The following PTPRR variants were observed in gnomAD, a reference collection of about 807,000 sequenced individuals.
The protein encoded by PTPRR is receptor-type tyrosine-protein phosphatase R.
A neutral mutation model predicts 77.2 loss-of-function variants in PTPRR; 38 were observed. That is an observed-to-expected ratio of 0.49 (90% confidence interval 0.38 to 0.65). The LOEUF is 0.65. Among genes scored for constraint, PTPRR ranks in the 30% least tolerant of loss-of-function variants. The probability of loss-of-function intolerance (pLI) is 0.00; values close to 1 mark genes in which losing one functional copy is unlikely to be tolerated. For synonymous variants in PTPRR, 299 were observed against 283.1 expected (o/e 1.06, Z -0.57); for missense variants, 744 against 799.2 (o/e 0.93, Z 0.83).
chr12:70,717,634 A>G (rs1889082390), intron 6 of PTPRR, among the ~76,000 whole-genome samples: 1 of 152,222 alleles, frequency 6.6e-6, no homozygotes, highest in African/African-American at 2.4e-5. Flanking sequence ...GACAAAGTCA[A>G]TACAAGACAC....
intron 6 of PTPRR, among the ~76,000 whole-genome samples, chr12:70,723,370 AT>A (rs1889328112): frequency 6.6e-6 from 1 of 151,996 alleles, no homozygotes; most frequent in Admixed American, 6.6e-5. Flanking sequence ...GCTATTTTGT[AT>A]GTAAACTTAA....
chr12:70,850,432 T>C (rs551455236), intron 2 of PTPRR, among the ~76,000 whole-genome samples: 3 of 152,126 alleles, frequency 2.0e-5, no homozygotes, highest in Non-Finnish European at 4.4e-5. Flanking sequence ...TAAAGCAAGG[T>C]TGCTTGAAAT....
At chr12:70,738,646 A>G (rs886477100) in intron 6 of PTPRR, among the ~76,000 whole-genome samples, 1 of 152,252 alleles carries the variant, frequency 6.6e-6, no homozygotes, top group Admixed American at 6.5e-5. Flanking sequence ...TAGAAAATGT[A>G]CTTTCTAGAG....
chr12:70,911,225 C>T (rs949568430), intron 1 of PTPRR, among the ~76,000 whole-genome samples: 1 of 152,188 alleles, frequency 6.6e-6, no homozygotes, highest in African/African-American at 2.4e-5. Context: ...CATGGACCTA[C>T]AGCCCAATGG....
intron 2 of PTPRR, among the ~76,000 whole-genome samples, chr12:70,836,960 C>G (rs11178449): frequency 1.3e-5 from 2 of 151,896 alleles, no homozygotes; most frequent in Non-Finnish European, 2.9e-5. Flanking sequence ...TATTTTATCA[C>G]TAAACTATAA....
At chr12:70,834,465 A>G (rs1424540696) in intron 2 of PTPRR, among the ~76,000 whole-genome samples, 1 of 152,186 alleles carries the variant, frequency 6.6e-6, no homozygotes, top group Non-Finnish European at 1.5e-5. Flanking sequence ...AAAATGCAAA[A>G]TTGGCTCACT....
intron 10 of PTPRR, among the ~76,000 whole-genome samples, chr12:70,682,834 T>G (rs571446940): frequency 6.6e-6 from 1 of 152,316 alleles, no homozygotes; most frequent in African/African-American, 2.4e-5. Context: ...ACCTCAGGCT[T>G]TAATATCAGA....
At chr12:70,764,056 T>C (rs1890755944) in intron 3 of PTPRR, among the ~76,000 whole-genome samples, 1 of 151,264 alleles carries the variant, frequency 6.6e-6, no homozygotes, top group Non-Finnish European at 1.5e-5. Context: ...CCCATTCAAG[T>C]TTTCTCTTGG....
At chr12:70,684,928 A>ATTGGTG in intron 8 of PTPRR, 145 bp from the exon 9 acceptor site, 3 of 539,630 alleles carry the variant, frequency 5.6e-6, no homozygotes, top group Non-Finnish European at 9.7e-6. Context: ...CCATTGCTTG[A>ATTGGTG]TCCATATGTT....
At chr12:70,866,379 T>C in intron 2 of PTPRR, among the ~76,000 whole-genome samples, 1 of 151,660 alleles carries the variant, frequency 6.6e-6, no homozygotes, top group Non-Finnish European at 1.5e-5. Context: ...AAATACAAAC[T>C]ACCATCAGAG....
At chr12:70,894,497 A>G (rs1476537214) in intron 1 of PTPRR, among the ~76,000 whole-genome samples, 2 of 151,926 alleles carry the variant, frequency 1.3e-5, no homozygotes, top group African/African-American at 4.8e-5. Flanking sequence ...GAATCACTTC[A>G]TTGTAGTGAT....
At chr12:70,665,728 C>T (rs1886967763) in intron 10 of PTPRR, among the ~76,000 whole-genome samples, 1 of 151,702 alleles carries the variant, frequency 6.6e-6, no homozygotes, top group African/African-American at 2.4e-5. Context: ...GATTCTCCTT[C>T]TGGCCCCCAC....
chr12:70,888,841 G>A (rs1258913093), intron 2 of PTPRR, among the ~76,000 whole-genome samples: 1 of 152,066 alleles, frequency 6.6e-6, no homozygotes, highest in Non-Finnish European at 1.5e-5. Flanking sequence ...AGTAATCACT[G>A]TCAAGAAGTA....
intron 5 of PTPRR, among the ~76,000 whole-genome samples, chr12:70,753,901 G>T (rs906849424): frequency 6.6e-6 from 1 of 152,232 alleles, no homozygotes; most frequent in Non-Finnish European, 1.5e-5. Context: ...GACTTTGAGG[G>T]CTTCAGTGAC....
At chr12:70,750,919 T>C (rs1174592453) in intron 5 of PTPRR, among the ~76,000 whole-genome samples, 1 of 151,460 alleles carries the variant, frequency 6.6e-6, no homozygotes, top group South Asian at 2.1e-4. Context: ...TTTTTTTTTT[T>C]TGTAAAGACA....
intron 9 of PTPRR, among the ~76,000 whole-genome samples, 179 bp from the exon 10 acceptor site, chr12:70,684,443 C>A (rs192024290): frequency 6.6e-6 from 1 of 152,280 alleles, no homozygotes; most frequent in African/African-American, 2.4e-5. Flanking sequence ...AAGGATAGCA[C>A]ATGGTACTGA....
intron 2 of PTPRR, among the ~76,000 whole-genome samples, chr12:70,863,973 T>C (rs138547671): frequency 9.9e-4 from 151 of 152,260 alleles, no homozygotes; most frequent in Non-Finnish European, 9.4e-4. Context: ...TCCAGGCAAG[T>C]GTTTTAATTA....
Position 70,764,927 on chromosome 12 carries a change from C to T in PTPRR, c.358-149G>A, listed in dbSNP as rs1279259168. On this transcript the variant is annotated intron_variant, in intron 2 of 13. Transcript: ENST00000283228. Reference sequence around the variant, plus strand: ...TTTCTGTGACTCTGCTAAGTTTACACTAATAATGCTTTATTGCATTTTTGA... The same window carrying T: ...TTTCTGTGACTCTGCTAAGTTTACATTAATAATGCTTTATTGCATTTTTGA... 3 of 602,946 alleles carry T rather than the reference C, an allele frequency of 5.0e-6. No homozygotes were observed. In the African/African-American group the frequency reaches 5.6e-5, roughly 11 times the overall value. The allele number at this position is 602,946 out of a possible 1,614,324, so 37.3% of individuals were successfully genotyped here. A position where few individuals can be genotyped will look rare whatever the true frequency, so the allele number is the denominator to read the frequency against.
At position 70,871,059 on chromosome 12, in the gene PTPRR, A is replaced by T. The variant is rs1456793777; in HGVS notation, c.357+21620T>A. On this transcript the variant is annotated intron_variant, in intron 2 of 13. Transcript: ENST00000283228. ...ACTCAAATGATCTCAGGAGCCAGGA[A>T]GGAAGGCCAATGAGTAACGGAGAGG... Among the ~76,000 whole-genome samples the T allele has an allele frequency of 2.0e-5, 3 of 152,334 alleles. No homozygotes were observed. The East Asian group carries it at 5.8e-4, about 29-fold the overall frequency.
Sources: allele counts gnomAD v4.1 joint callset (sites outside exome capture counted in the v4.1 genomes callset), GRCh38; gene constraint gnomAD v4.1.1; transcripts MANE v1.5; gene names NCBI Gene and HGNC (gene_info 2026-07-23, HGNC 2026-07-21).